The following CFHR4 variants were observed in gnomAD, a reference collection of about 807,000 sequenced individuals.
CFHR4 encodes the protein complement factor H-related protein 4.
CFHR4 carries 64 observed loss-of-function variants against 69.3 expected under a neutral mutation model. That is an observed-to-expected ratio of 0.92 (90% CI 0.76 to 1.14). The LOEUF (loss-of-function observed/expected upper bound fraction) is 1.14. Ranked by LOEUF, CFHR4 falls within the 50% of genes most tolerant of loss-of-function variation. CFHR4 has a pLI of 0.00. For synonymous variants in CFHR4, 244 were observed against 237.0 expected, an observed-to-expected ratio of 1.03 and a Z score of -0.27; for missense variants, 636 against 684.9, an observed-to-expected ratio of 0.93 and a Z score of 0.80.
At chr1:196,898,400 T>C (rs1280677235) in intron 1 of CFHR4, among the ~76,000 whole-genome samples, 2 of 151,582 alleles carry the variant, frequency 1.3e-5, no homozygotes, top group East Asian at 3.9e-4. Flanking sequence ...AATTTCAATA[T>C]TTTAGTATAT....
At chr1:196,911,979 G>C (rs1362779765) in intron 6 of CFHR4, among the ~76,000 whole-genome samples, 1 of 151,204 alleles carries the variant, frequency 6.6e-6, no homozygotes, top group Non-Finnish European at 1.5e-5. Context: ...CTTTCAGATA[G>C]TAAAATTAGT....
intron 1 of CFHR4, among the ~76,000 whole-genome samples, chr1:196,895,275 G>C (rs1657236524): frequency 6.6e-6 from 1 of 151,324 alleles, no homozygotes; most frequent in Non-Finnish European, 1.5e-5. Context: ...TGATTATAAT[G>C]TATCTTGATA....
At chr1:196,895,172 G>A (rs12034928) in intron 1 of CFHR4, among the ~76,000 whole-genome samples, 35,189 of 151,214 alleles carry the variant, frequency 0.23, 5,929 homozygotes, top group East Asian at 0.72. Flanking sequence ...ATTTGAGATT[G>A]CAGTGAGCTA....
At chr1:196,903,360 T>C (rs1657724293) in intron 2 of CFHR4, among the ~76,000 whole-genome samples, 1 of 150,924 alleles carries the variant, frequency 6.6e-6, no homozygotes, top group Admixed American at 6.6e-5. Flanking sequence ...GCAATAGAAA[T>C]ATAAGTCAGG....
At position 196,907,364 on chromosome 1, in the gene CFHR4, C is replaced by T. The variant is rs756200255; in HGVS notation, c.665C>T (p.Thr222Ile). ...CCTCCACCTATTAGCAATGGAGATA[C>T]CACGTCCTTCCCGCAAAAAGTGTAT... is the stretch of plus-strand genomic sequence containing the variant. The part of the protein sequence containing the change: ...GPPPPISNGD[T>I]TSFPQKVYLP... Residue 222 changes from threonine (T) to isoleucine (I), a missense_variant, in exon 5 of 10, where the codon ACC becomes ATC. Coordinates refer to ENST00000608469, the MANE Select transcript of CFHR4 (RefSeq NM_001201550.3). The T allele has an allele frequency of 5.0e-6, 8 of 1,611,788 alleles. 1 individual carries two copies. The highest frequency in any genetic ancestry group is 5.9e-6 in the Non-Finnish European group (7 of 1,178,972).
rs373990747 is a variant in CFHR4, at chr1:196,890,867, A to G, written c.58+2659A>G. 6.6e-5 allele frequency among the ~76,000 whole-genome samples: 10 copies of G among 151,668 alleles called. No homozygotes were observed. In the East Asian group the frequency reaches 1.7e-3, roughly 26 times the overall value. ...CACACCCAGTTCTAATAACTTCTCTATGAAACTCCAGTGCCTTCTAGTGGG... is the reference window on the plus strand; with the variant it reads ...CACACCCAGTTCTAATAACTTCTCTGTGAAACTCCAGTGCCTTCTAGTGGG... On this transcript the variant is annotated intron_variant, in intron 1 of 9. Transcript: ENST00000608469.
Position 196,897,716 on chromosome 1 carries a change from G to T in CFHR4, c.59-4702G>T, listed in dbSNP as rs959702578. 2.0e-5 allele frequency among the ~76,000 whole-genome samples: 3 copies of T among 151,336 alleles called. 1 individual carries two copies. The highest frequency in any genetic ancestry group is 2.9e-5 in the Non-Finnish European group (2 of 67,944). On this transcript the variant is annotated intron_variant, in intron 1 of 9. Transcript: ENST00000608469. Reference sequence around the variant, plus strand: ...CTCTTCTCTCTTTCTCTGCTGCCTTGTTCCGCTGTGATTGTTCAGCCGCGT... The same window carrying T: ...CTCTTCTCTCTTTCTCTGCTGCCTTTTTCCGCTGTGATTGTTCAGCCGCGT...
Position 196,918,238 on chromosome 1 carries a change from G to A in CFHR4, c.1569G>A (p.Met523Ile). Residue 523 changes from methionine to isoleucine, a missense_variant, in exon 10 of 10, where the codon ATG becomes ATA. Physicochemically the swap from Met to Ile is conservative, Grantham distance 10 (BLOSUM62 1). Transcript: ENST00000608469. Reference protein sequence around the residue: ...IHPCIITEENMNKNNIQLKGK... With the variant: ...IHPCIITEENINKNNIQLKGK... ...CATGTATAATAACTGAAGAAAACAT[G>A]AATAAAAATAACATACAGTTAAAAG... 6.2e-7 allele frequency: 1 copy of A among 1,604,420 alleles called. No individual in the cohort carries two copies. Among genetic ancestry groups the A allele is most frequent in the Non-Finnish European group, 8.5e-7 (1 of 1,173,476 alleles).
intron 5 of CFHR4, among the ~76,000 whole-genome samples, chr1:196,908,018 G>A (rs1394466829): frequency 1.3e-5 from 2 of 151,174 alleles, no homozygotes; most frequent in African/African-American, 4.9e-5. Flanking sequence ...GTGACATGGA[G>A]GAAGCTGGAA....
At position 196,888,448 on chromosome 1, in the gene CFHR4, T is replaced by C. The variant is rs1656844891; in HGVS notation, c.58+240T>C. On this transcript the variant is annotated intron_variant, in intron 1 of 9. Coordinates refer to ENST00000608469, the MANE Select transcript of CFHR4 (RefSeq NM_001201550.3). ...TACAAATTCTACAGTGTAAAAAGCATCTAATATTCATTATGGAGATATATG... is the reference window on the plus strand; with the variant it reads ...TACAAATTCTACAGTGTAAAAAGCACCTAATATTCATTATGGAGATATATG... Among the ~76,000 whole-genome samples, 2 of 151,304 alleles carry C rather than the reference T, an allele frequency of 1.3e-5. 1 individual carries two copies. Among genetic ancestry groups the C allele is most frequent in the Non-Finnish European group, 2.9e-5 (2 of 67,838 alleles).
At chr1:196,905,032 A>G (rs1472693690) in intron 2 of CFHR4, 76 bp from the exon 3 acceptor site, 22 of 1,292,668 alleles carry the variant, frequency 1.7e-5, no homozygotes, top group Non-Finnish European at 2.3e-5. Flanking sequence ...CCATACTGCC[A>G]TGTTTTTACT....
At chr1:196,895,393 G>A (rs1037665623) in intron 1 of CFHR4, among the ~76,000 whole-genome samples, 5 of 151,250 alleles carry the variant, frequency 3.3e-5, no homozygotes, top group East Asian at 1.9e-4. Context: ...TTCTCCTTCC[G>A]AAATCCACTT....
At chr1:196,913,431 C>T (rs1014242579) in intron 7 of CFHR4, among the ~76,000 whole-genome samples, 4 of 151,398 alleles carry the variant, frequency 2.6e-5, no homozygotes, top group East Asian at 1.9e-4. Flanking sequence ...TATCTCTACC[C>T]TATTGTTTAC....
chr1:196,895,987 A>G (rs1657274725), intron 1 of CFHR4, among the ~76,000 whole-genome samples: 1 of 150,362 alleles, frequency 6.7e-6, no homozygotes, highest in South Asian at 2.1e-4. Context: ...AGCCGGTAGT[A>G]TAGACTTTAG....
At chr1:196,916,372 A>G (rs1347006095) in intron 9 of CFHR4, among the ~76,000 whole-genome samples, 3 of 151,944 alleles carry the variant, frequency 2.0e-5, no homozygotes, top group Admixed American at 6.6e-5. Flanking sequence ...GAGTTTTTCA[A>G]GTGCTCAAGT....
chr1:196,914,664 A>G lies in CFHR4; in HGVS notation c.1350A>G (p.Thr450=). 1 of 1,595,472 alleles carries G rather than the reference A, an allele frequency of 6.3e-7. No individual in the cohort carries two copies. The highest frequency in any genetic ancestry group is 2.2e-5 in the East Asian group (1 of 44,576). Reference sequence around the variant, plus strand: ...AAGATGGGTGGTCCCATTTCCCAACATGTTATAGTAAGTATTTTATTCAAG... The same window carrying G: ...AAGATGGGTGGTCCCATTTCCCAACGTGTTATAGTAAGTATTTTATTCAAG... ...CGEDGWSHFP[T]CYNSSEKCGP... The change falls in exon 8 of 10, where the codon ACA becomes ACG. Residue 450 remains threonine, a synonymous_variant. Coordinates refer to ENST00000608469, the MANE Select transcript of CFHR4 (RefSeq NM_001201550.3).
intron 7 of CFHR4, among the ~76,000 whole-genome samples, chr1:196,913,581 A>G (rs141854278): frequency 6.6e-6 from 1 of 151,512 alleles, no homozygotes; most frequent in Non-Finnish European, 1.5e-5. Flanking sequence ...AGATTGCATA[A>G]TGAACAAAGG....
chr1:196,903,644 C>T (rs1049627040), intron 2 of CFHR4, among the ~76,000 whole-genome samples: 1 of 150,592 alleles, frequency 6.6e-6, no homozygotes, highest in African/African-American at 2.5e-5. Flanking sequence ...TAGAGCAAGA[C>T]TCTGTCTCAA....
chr1:196,915,090 T>A lies in CFHR4; in HGVS notation c.1492T>A (p.Tyr498Asn). Residue 498 changes from tyrosine to asparagine, a missense_variant, in exon 9 of 10, where the codon TAT (tyrosine) becomes AAT (asparagine). Tyr to Asn is a moderately radical substitution (Grantham distance 143, BLOSUM62 -2). Around this residue, in one of 3 missense-constraint regions of CFHR4, gnomAD observed 22 missense variants for 72.8 expected, o/e 0.30. Coordinates refer to ENST00000608469, the MANE Select transcript of CFHR4 (RefSeq NM_001201550.3). ...CTACTATGAACTTCAGGGTTCTAATTATGTAACATGTAGTAATGGAGAGTG... is the reference window on the plus strand; with the variant it reads ...CTACTATGAACTTCAGGGTTCTAATAATGTAACATGTAGTAATGGAGAGTG... ...QSYYELQGSN[Y>N]VTCSNGEWSE... 1 of 1,613,384 alleles carries A rather than the reference T, an allele frequency of 6.2e-7. No individual in the cohort carries two copies. The highest frequency in any genetic ancestry group is 8.5e-7 in the Non-Finnish European group (1 of 1,179,866).
Sources: gnomAD v4.1 joint callset for allele counts (sites outside exome capture counted in the v4.1 genomes callset) on GRCh38, gnomAD v4.1.1 for gene constraint, gnomAD v4.1.1 regional missense constraint, MANE v1.5 for transcripts, NCBI Gene and HGNC (gene_info 2026-07-23, HGNC 2026-07-21) for gene names.